Variants in WWOX observed in about 807,000 individuals in gnomAD.
WWOX encodes the protein WW domain containing oxidoreductase.
In WWOX, 69 loss-of-function variants were observed where a neutral mutation model predicts 46.2. That is an observed-to-expected ratio of 1.49 (90% CI 1.23 to 1.82). WWOX has a LOEUF of 1.82. Among genes scored for constraint, WWOX ranks in the 40% most tolerant of loss-of-function variants. The pLI, the probability that WWOX is intolerant of heterozygous loss-of-function variation, is 0.00. For missense variants in WWOX, 919 were observed against 542.6 expected, an observed-to-expected ratio of 1.69 and a Z score of -6.89; for synonymous variants, 359 against 202.6, an observed-to-expected ratio of 1.77 and a Z score of -6.56.
At chr16:78,613,431 C>G (rs1375423741) in intron 8 of WWOX, among the ~76,000 whole-genome samples, 1 of 152,134 alleles carries the variant, frequency 6.6e-6, no homozygotes, top group Non-Finnish European at 1.5e-5. Flanking sequence ...AGATTGGTGT[C>G]TATGAGGGTC....
chr16:79,085,201 C>T (rs1368563273), intron 8 of WWOX, among the ~76,000 whole-genome samples: 5 of 152,208 alleles, frequency 3.3e-5, no homozygotes, highest in Admixed American at 1.3e-4. Flanking sequence ...GTCTCTCTCT[C>T]TCTTTCTCTC....
chr16:79,057,521 G>T (rs1191685504), intron 8 of WWOX, among the ~76,000 whole-genome samples: 1 of 152,126 alleles, frequency 6.6e-6, no homozygotes, highest in South Asian at 2.1e-4. Context: ...TGGCTGAGCT[G>T]AGCCGCACTT....
chr16:78,684,449 G>A (rs916751103), intron 8 of WWOX, among the ~76,000 whole-genome samples: 5 of 152,216 alleles, frequency 3.3e-5, no homozygotes, highest in African/African-American at 7.2e-5. Context: ...CAGCTGTGGC[G>A]TGTTGAGTCA....
In WWOX at chr16:79,212,205, G is replaced by C; in HGVS notation, c.*409G>C. The C allele has an allele frequency of 2.1e-6, 3 of 1,446,290 alleles. No homozygotes were observed. The highest frequency in any genetic ancestry group is 2.7e-6 in the Non-Finnish European group (3 of 1,105,456). 89.6% of individuals were successfully genotyped at this position (1,446,290 alleles called of 1,614,324 possible). ...CGGGGGCTGGCCTTCTCCTACTTAG[G>C]GAAGAAAAAGCAAGTGTTCACTGCT... On this transcript the variant is annotated 3_prime_UTR_variant, in exon 9 of 9. Transcript: ENST00000566780.
intron 8 of WWOX, among the ~76,000 whole-genome samples, chr16:79,134,646 C>T (rs1392514177): frequency 2.6e-5 from 4 of 152,140 alleles, no homozygotes; most frequent in Admixed American, 2.6e-4. Context: ...CACACAGAAA[C>T]ATATACACAT....
intron 8 of WWOX, among the ~76,000 whole-genome samples, chr16:78,543,404 A>G (rs944932612): frequency 2.6e-5 from 4 of 152,224 alleles, no homozygotes; most frequent in African/African-American, 9.6e-5. Flanking sequence ...GCCCTTTCAC[A>G]TACAGCGAGA....
chr16:79,067,817 T>C (rs1008837369), intron 8 of WWOX, among the ~76,000 whole-genome samples: 1 of 152,198 alleles, frequency 6.6e-6, no homozygotes. Context: ...AGTGTGCTGC[T>C]GACAGTGTTG....
chr16:78,988,030 T>C (rs2046814738), intron 8 of WWOX, among the ~76,000 whole-genome samples: 1 of 151,838 alleles, frequency 6.6e-6, no homozygotes, highest in Admixed American at 6.6e-5. Flanking sequence ...GTGGTCAAGG[T>C]GTAGGGAAAC....
At chr16:78,989,829 TGTG>T (rs1567464294) in intron 8 of WWOX, among the ~76,000 whole-genome samples, 8 of 150,320 alleles carry the variant, frequency 5.3e-5, no homozygotes, top group African/African-American at 9.8e-5. Context: ...AGCGTGTGTG[TGTG>T]TGTGTGTGTG....
intron 8 of WWOX, among the ~76,000 whole-genome samples, chr16:78,501,461 A>T (rs1264294851): frequency 6.6e-6 from 1 of 151,184 alleles, no homozygotes; most frequent in African/African-American, 2.4e-5. Context: ...TAAAGTTCCA[A>T]CCTTTTTGCT....
At chr16:78,828,375 C>G (rs113534005) in intron 8 of WWOX, among the ~76,000 whole-genome samples, 133 of 152,190 alleles carry the variant, frequency 8.7e-4, no homozygotes, top group African/African-American at 3.1e-3. Flanking sequence ...AGAACGGATA[C>G]GGTTAGGACC....
intron 8 of WWOX, among the ~76,000 whole-genome samples, chr16:78,964,005 C>T (rs1294513699): frequency 1.3e-5 from 2 of 152,166 alleles, no homozygotes; most frequent in Admixed American, 1.3e-4. Context: ...GTGCCTTTCA[C>T]CTCCACCATG....
intron 8 of WWOX, among the ~76,000 whole-genome samples, chr16:78,565,415 C>A (rs955344928): frequency 6.6e-6 from 1 of 152,182 alleles, no homozygotes; most frequent in East Asian, 1.9e-4. Context: ...TTCCTTGGCT[C>A]TTGGCCCCTT....
intron 5 of WWOX, among the ~76,000 whole-genome samples, chr16:78,311,991 C>T (rs2080253554): frequency 6.6e-6 from 1 of 152,154 alleles, no homozygotes; most frequent in Non-Finnish European, 1.5e-5. Context: ...TTCCACGTTA[C>T]AGAGACTGCC....
At chr16:78,501,794 C>G (rs1056827445) in intron 8 of WWOX, among the ~76,000 whole-genome samples, 3 of 152,100 alleles carry the variant, frequency 2.0e-5, no homozygotes, top group Non-Finnish European at 4.4e-5. Context: ...ACCTCAGCCT[C>G]CCAAACTGCT....
intron 8 of WWOX, among the ~76,000 whole-genome samples, chr16:78,784,099 C>G (rs973160145): frequency 1.3e-5 from 2 of 152,066 alleles, no homozygotes; most frequent in Non-Finnish European, 2.9e-5. Flanking sequence ...CCATGCAATG[C>G]TTATGGTTTT....
intron 5 of WWOX, among the ~76,000 whole-genome samples, chr16:78,336,863 T>C (rs1212806147): frequency 6.6e-6 from 1 of 152,114 alleles, no homozygotes; most frequent in Non-Finnish European, 1.5e-5. Context: ...TGCAATCTCC[T>C]CCGCCTCCCA....
chr16:79,104,997 C>T (rs902017313), intron 8 of WWOX, among the ~76,000 whole-genome samples: 1 of 152,126 alleles, frequency 6.6e-6, no homozygotes, highest in Admixed American at 6.5e-5. Context: ...CCTCATGATA[C>T]TGGAAGGCAG....
chr16:78,195,101 T>A (rs7190699), intron 5 of WWOX, among the ~76,000 whole-genome samples: 113,871 of 152,072 alleles, frequency 0.75, 43,026 homozygotes, highest in African/African-American at 0.86. Context: ...GGTTCCCCAG[T>A]CCTGCCAAGC....
Sources: gnomAD v4.1 joint callset for allele counts (sites outside exome capture counted in the v4.1 genomes callset) on GRCh38, gnomAD v4.1.1 for gene constraint, MANE v1.5 for transcripts, NCBI Gene and HGNC (gene_info 2026-07-23, HGNC 2026-07-21) for gene names.